GSDME: variants seen among roughly 807,000 people sequenced by gnomAD.
GSDME encodes the protein gasdermin E.
Under a neutral mutation model 47.5 loss-of-function variants are expected in GSDME, and 44 were observed. The observed-to-expected ratio is 0.93, with a 90% CI of 0.73 to 1.19. The LOEUF (loss-of-function observed/expected upper bound fraction) is 1.19. GSDME is among the 50% of genes most tolerant of loss of function. The pLI, the probability that GSDME is intolerant of heterozygous loss-of-function variation, is 0.00. For missense variants in GSDME, 663 were observed against 604.2 expected, an observed-to-expected ratio of 1.10 and a Z score of -1.02; for synonymous variants, 258 against 252.8, an observed-to-expected ratio of 1.02 and a Z score of -0.20.
chr7:24,795,185 C>A, the GSDME span, among the ~76,000 whole-genome samples: 2 of 152,134 alleles, frequency 1.3e-5, no homozygotes, highest in Admixed American at 1.3e-4. Flanking sequence ...GCTGCTCTGG[C>A]GAGGCGTTCC....
chr7:24,781,389 T>A, the GSDME span, among the ~76,000 whole-genome samples: 1 of 152,210 alleles, frequency 6.6e-6, no homozygotes, highest in Admixed American at 6.5e-5. Context: ...CCGTGAGACA[T>A]GCAGCTTACA....
rs1789390959 is a variant in GSDME at position 24,712,429 on chromosome 7, AGCTCCCTGAGG to A, written c.698-2052_698-2042del. On this transcript the variant is annotated intron_variant, in intron 5 of 9. Transcript: ENST00000645220. This position sits in a 1 kb window ranked among gnomAD's most constrained non-coding sequence, Gnocchi z 4.4. ...CACACTCTCACCTTCACCCATGCAT[AGCTCCCTGAGG>A]GCGCCACCAATTAATTCCTTCATTC... 6.6e-6 allele frequency among the ~76,000 whole-genome samples: 1 copy of A among 152,208 alleles called. No individual in the cohort carries two copies. The highest frequency in any genetic ancestry group is 2.4e-5 in the African/African-American group (1 of 41,448).
At chr7:24,747,135 A>G (rs1240154217) in intron 2 of GSDME, among the ~76,000 whole-genome samples, 1 of 152,178 alleles carries the variant, frequency 6.6e-6, no homozygotes, top group Non-Finnish European at 1.5e-5. Flanking sequence ...TAAAACTCCA[A>G]TTACTCAGGA....
intron 9 of GSDME, among the ~76,000 whole-genome samples, chr7:24,700,557 C>CTTGA (rs1199940379): frequency 6.6e-6 from 1 of 152,152 alleles, no homozygotes; most frequent in Non-Finnish European, 1.5e-5. Flanking sequence ...TGGTGACTAT[C>CTTGA]TTGAAAGTCA....
the GSDME span, among the ~76,000 whole-genome samples, chr7:24,789,496 G>A: frequency 2.6e-5 from 4 of 152,192 alleles, no homozygotes; most frequent in African/African-American, 9.7e-5. Flanking sequence ...CATGACTGGG[G>A]GCTGCATGCA....
chr7:24,775,752 G>T, the GSDME span, among the ~76,000 whole-genome samples: 1 of 150,878 alleles, frequency 6.6e-6, no homozygotes, highest in Admixed American at 6.6e-5. Flanking sequence ...GCGGGCACTT[G>T]TAATCCCAGC....
At position 24,756,393 on chromosome 7, in the gene GSDME, G is replaced by A. The variant is rs2128068793; in HGVS notation, c.-20+1003C>T. Among the ~76,000 whole-genome samples, 1 of 152,288 alleles carries A rather than the reference G, an allele frequency of 6.6e-6. No homozygotes were observed. Among genetic ancestry groups the A allele is most frequent in the Non-Finnish European group, 1.5e-5 (1 of 68,028 alleles). On this transcript the variant is annotated intron_variant, in intron 1 of 9. Coordinates refer to ENST00000645220, the MANE Select transcript of GSDME (RefSeq NM_001127453.2). This position sits in a 1 kb window ranked among gnomAD's most constrained non-coding sequence, Gnocchi z 4.2. Reference sequence around the variant, plus strand: ...ACAAAGAACCTAGCCAAGGGACCGTGGCTAGGGGGTTGGGCCCTTTCTCTC... The same window carrying A: ...ACAAAGAACCTAGCCAAGGGACCGTAGCTAGGGGGTTGGGCCCTTTCTCTC...
At chr7:24,702,857 C>G in intron 8 of GSDME, 24 bp from the exon 9 acceptor site, 1 of 1,608,132 alleles carries the variant, frequency 6.2e-7, no homozygotes, top group Admixed American at 1.7e-5. Context: ...AAATCACAGT[C>G]ACAGTCCAAA....
rs1277702530 is a variant in GSDME, at chr7:24,736,670, GAT to G, written c.404+7890_404+7891del. On this transcript the variant is annotated intron_variant, in intron 3 of 9. Transcript: ENST00000645220. This position sits in a 1 kb window ranked among gnomAD's most constrained non-coding sequence, Gnocchi z 4.6. ...CACTACAGACCAAACAGACCCAATA[GAT>G]ATATACAGAACATTTCATCCAACAA... Among the ~76,000 whole-genome samples the G allele has an allele frequency of 8.5e-5, 13 of 152,088 alleles. No homozygotes were observed. The highest frequency in any genetic ancestry group is 1.8e-4 in the Non-Finnish European group (12 of 67,984).
rs538304164 is a variant in GSDME, at chr7:24,754,628, G to A, written c.-20+2768C>T. Reference sequence around the variant, plus strand: ...AGACTCTTGGACAAGAGACCTTGTGGGGCAGACACCAAGAAAGCAGGACAA... The same window carrying A: ...AGACTCTTGGACAAGAGACCTTGTGAGGCAGACACCAAGAAAGCAGGACAA... On this transcript the variant is annotated intron_variant, in intron 1 of 9. Transcript: ENST00000645220. This position sits in a 1 kb window ranked among gnomAD's most constrained non-coding sequence, Gnocchi z 5.0. Among the ~76,000 whole-genome samples the A allele has an allele frequency of 6.6e-6, 1 of 152,264 alleles. No homozygotes were observed. Among genetic ancestry groups the A allele is most frequent in the African/African-American group, 2.4e-5 (1 of 41,540 alleles).
chr7:24,706,973 C>A (rs117289371), intron 7 of GSDME, among the ~76,000 whole-genome samples: 2,598 of 152,342 alleles, frequency 0.017, 30 homozygotes, highest in Middle Eastern at 0.024. Context: ...GAGGCTCTCT[C>A]CACAGGGTGC....
At position 24,732,686 on chromosome 7, in the gene GSDME, A is replaced by C. The variant is rs1790184257; in HGVS notation, c.404+11876T>G. Among the ~76,000 whole-genome samples the C allele has an allele frequency of 6.6e-6, 1 of 152,230 alleles. No homozygotes were observed. On this transcript the variant is annotated intron_variant, in intron 3 of 9. Coordinates refer to ENST00000645220, the MANE Select transcript of GSDME (RefSeq NM_001127453.2). The surrounding 1 kb of genome is among the most constrained non-coding windows in gnomAD (Gnocchi z 4.8). ...GAACTCAGTGCTGCCAACACCGGGC[A>C]GAACTCAGCCAGCGCCCACTGAGGG... is the stretch of plus-strand genomic sequence containing the variant.
chr7:24,774,519 T>C, the GSDME span, among the ~76,000 whole-genome samples: 2 of 151,442 alleles, frequency 1.3e-5, no homozygotes, highest in Admixed American at 1.3e-4. Context: ...TTAAAAAAAA[T>C]TTTTTTAAAT....
Position 24,712,517 on chromosome 7 carries a change from A to C in GSDME, c.698-2129T>G, listed in dbSNP as rs906249019. On this transcript the variant is annotated intron_variant, in intron 5 of 9. Transcript: ENST00000645220. This position sits in a 1 kb window ranked among gnomAD's most constrained non-coding sequence, Gnocchi z 4.4. The stretch of plus-strand genomic sequence containing the variant: ...CAGCCAGCAAATATGCAACAATGTA[A>C]ATCTTTAAAATTCCCTATACCAGGC... 6.6e-6 allele frequency among the ~76,000 whole-genome samples: 1 copy of C among 152,124 alleles called. No individual in the cohort carries two copies. Among genetic ancestry groups the C allele is most frequent in the African/African-American group, 2.4e-5 (1 of 41,416 alleles).
At chr7:24,701,430 C>T (rs1270800329) in intron 9 of GSDME, among the ~76,000 whole-genome samples, 1 of 152,132 alleles carries the variant, frequency 6.6e-6, no homozygotes, top group African/African-American at 2.4e-5. Flanking sequence ...AGCTGATCTG[C>T]AGGGAGGAGG....
intron 7 of GSDME, 54 bp downstream of exon 7, chr7:24,708,073 C>G: frequency 6.2e-7 from 1 of 1,610,032 alleles, no homozygotes; most frequent in East Asian, 2.2e-5. Context: ...TGCCTCCTCC[C>G]CTGTTCCAGA....
chr7:24,779,272 A>G, the GSDME span, among the ~76,000 whole-genome samples: 1 of 152,244 alleles, frequency 6.6e-6, no homozygotes, highest in South Asian at 2.1e-4. The surrounding 1 kb of genome is among the most constrained non-coding windows in gnomAD (Gnocchi z 6.0). Context: ...CAGGTAAGAA[A>G]GTGGTTAGTA....
At chr7:24,702,685 G>T in intron 9 of GSDME, 75 bp downstream of exon 9, 1 of 1,267,016 alleles carries the variant, frequency 7.9e-7, no homozygotes, top group South Asian at 1.2e-5. Context: ...GTGTTTTACC[G>T]GCTGCTGGAT....
chr7:24,746,962 C>T (rs765111761), intron 2 of GSDME, among the ~76,000 whole-genome samples: 7 of 152,170 alleles, frequency 4.6e-5, no homozygotes, highest in Admixed American at 6.5e-5. Flanking sequence ...TCGTCACCGC[C>T]CTAACACCAA....
Sources: gnomAD v4.1 joint callset for allele counts (sites outside exome capture counted in the v4.1 genomes callset) on GRCh38, gnomAD v4.1.1 for gene constraint, Gnocchi (gnomAD v3.1) non-coding constraint, MANE v1.5 for transcripts, NCBI Gene and HGNC (gene_info 2026-07-23, HGNC 2026-07-21) for gene names.